STAB1: variants seen among roughly 807,000 people sequenced by gnomAD.
STAB1 encodes stabilin 1.
STAB1 carries 250 observed loss-of-function variants against 332.4 expected under a neutral mutation model. The observed-to-expected ratio is 0.75, with a 90% CI of 0.68 to 0.84. STAB1 has a LOEUF of 0.84. Ranked by LOEUF, STAB1 falls within the 40% of genes least tolerant of loss-of-function variation. The probability of loss-of-function intolerance (pLI) is 0.00; values close to 1 mark genes in which losing one functional copy is unlikely to be tolerated. For missense variants in STAB1, 3,249 were observed against 3,489.7 expected (o/e 0.93, Z 1.74); for synonymous variants, 1,475 against 1,390.4 (o/e 1.06, Z -1.35).
chr3:52,522,451 T>C lies in STAB1; in HGVS notation c.6587T>C (p.Met2196Thr), dbSNP rs1431182297. Residue 2196 changes from methionine (M) to threonine (T), a missense_variant, in exon 60 of 69, where the codon ATG becomes ACG. Transcript: ENST00000321725. Reference protein sequence around the residue: ...GQPPPCHSDAMCTDLHFQEKR... With the variant: ...GQPPPCHSDATCTDLHFQEKR... ...CCACCGCCCTGCCACTCAGATGCCA[T>C]GTGCACTGACCTGCACTTCCAGGGT... is the stretch of plus-strand genomic sequence containing the variant. 1 of 1,613,046 alleles carries C rather than the reference T, an allele frequency of 6.2e-7. No individual in the cohort carries two copies. Among genetic ancestry groups the C allele is most frequent in the East Asian group, 2.2e-5 (1 of 44,892 alleles).
rs981273519 is a variant in STAB1, at chr3:52,519,324, G to A, written c.5095G>A (p.Gly1699Ser). 5.0e-6 allele frequency: 8 copies of A among 1,613,012 alleles called. No homozygotes were observed. Among genetic ancestry groups the A allele is most frequent in the Non-Finnish European group, 6.8e-6 (8 of 1,180,000 alleles). ...GAGCAGCGACCATGAGGCCGTGAAC[G>A]GCATCCTGCACTTCATTGACCGTGT... ...VVSSDHEAVNGILHFIDRVLL... is the reference protein window; with the variant it reads ...VVSSDHEAVNSILHFIDRVLL... Residue 1699 changes from glycine (G) to serine (S), a missense_variant, in exon 49 of 69, where the codon GGC (glycine) becomes AGC (serine). By Grantham distance (56) the Gly-to-Ser change is moderately conservative. Transcript: ENST00000321725.
At chr3:52,521,230 G>A in intron 55 of STAB1, 131 bp from the exon 56 acceptor site, 2 of 1,322,968 alleles carry the variant, frequency 1.5e-6, no homozygotes, top group Non-Finnish European at 2.1e-6. Flanking sequence ...TCCAGGACAT[G>A]GGCCTGGAGG....
rs1053623462 is a variant in STAB1 at position 52,522,948 on chromosome 3, C to T, written c.6910+8C>T. 2.5e-6 allele frequency: 4 copies of T among 1,610,842 alleles called. No homozygotes were observed. The highest frequency in any genetic ancestry group is 2.2e-5 in the East Asian group (1 of 44,828). ...ACTGCTTCCGTGTGCAAGGTGTGTC[C>T]ACCCGACCAAACCCTACTTCCCCTG... On this transcript the variant is annotated splice_region_variant and intron_variant, in intron 62 of 68. Coordinates refer to ENST00000321725, the MANE Select transcript of STAB1 (RefSeq NM_015136.3).
At chr3:52,497,310 G>C (rs1418165442) in intron 1 of STAB1, among the ~76,000 whole-genome samples, 3 of 150,726 alleles carry the variant, frequency 2.0e-5, no homozygotes, top group African/African-American at 7.3e-5. Flanking sequence ...ACTTTTCTAT[G>C]TACATAGCAT....
rs759733954 is a variant in STAB1, at chr3:52,512,824, G to T, written c.3028-4G>T. ...TCCCGCCCCTGCTCCCTGTGTGCGTGCAGAGTGCCGGCATCACGCTTCCTG... is the reference window on the plus strand; with the variant it reads ...TCCCGCCCCTGCTCCCTGTGTGCGTTCAGAGTGCCGGCATCACGCTTCCTG... On this transcript the variant is annotated splice_region_variant and splice_polypyrimidine_tract_variant and intron_variant, in intron 28 of 68. Transcript: ENST00000321725. The T allele has an allele frequency of 6.2e-7, 1 of 1,608,424 alleles. No homozygotes were observed. The highest frequency in any genetic ancestry group is 1.7e-5 in the Admixed American group (1 of 59,980).
At position 52,507,660 on chromosome 3, in the gene STAB1, C is replaced by A; in HGVS notation, c.2037C>A (p.Pro679=). 6.2e-7 allele frequency: 1 copy of A among 1,613,662 alleles called. No individual in the cohort carries two copies. Among genetic ancestry groups the A allele is most frequent in the Non-Finnish European group, 8.5e-7 (1 of 1,180,016 alleles). ...CQALNTSTCP[P]NSVKLDIFPK... ...CCCTGAACACCAGCACGTGTCCCCC[C>A]AACAGTGTGAAGCTGGTGAGCACAC... Residue 679 remains proline, a synonymous_variant, in exon 19 of 69, where the codon CCC becomes CCA. Transcript: ENST00000321725.
At position 52,522,884 on chromosome 3, in the gene STAB1, T is replaced by C. The variant is rs765052279; in HGVS notation, c.6854T>C (p.Leu2285Pro). Residue 2285 changes from leucine to proline, a missense_variant, in exon 62 of 69, where the codon CTG (leucine) becomes CCG (proline). By Grantham distance (98) the Leu-to-Pro change is moderately conservative. Transcript: ENST00000321725. The stretch of plus-strand genomic sequence containing the variant: ...AATGGTCGGGTGGGCATAGTCAGCC[T>C]GGGTGCCCGCAAGAACCTCTCAGAA... ...CGNGRVGIVS[L>P]GARKNLSERW... 5.0e-6 allele frequency: 8 copies of C among 1,613,242 alleles called. No homozygotes were observed. The East Asian group carries it at 8.9e-5, about 18-fold the overall frequency.
In STAB1 at chr3:52,513,057, G is replaced by A. The variant is rs1709412395; in HGVS notation, c.3159-73G>A. ...CTGGCAGGCACTCACCCCTTGGGGT[G>A]GGCCCAGCCCCAAAGGTCTCTGTAA... On this transcript the variant is annotated intron_variant, in intron 29 of 68. Coordinates refer to ENST00000321725, the MANE Select transcript of STAB1 (RefSeq NM_015136.3). 2.6e-6 allele frequency: 4 copies of A among 1,555,828 alleles called. 1 individual carries two copies. The highest frequency in any genetic ancestry group is 3.5e-6 in the Non-Finnish European group (4 of 1,150,274).
chr3:52,515,564 G>A, intron 37 of STAB1, 58 bp downstream of exon 37: 2 of 1,582,516 alleles, frequency 1.3e-6, no homozygotes, highest in Non-Finnish European at 8.6e-7. Flanking sequence ...GGGAGTGGGT[G>A]GGGGCCCAGG....
At position 52,514,847 on chromosome 3, in the gene STAB1, C is replaced by A. The variant is rs973337986; in HGVS notation, c.3807+18C>A. ...CCCTGCGGGTGAGAGGCTGGGGCCACAGGAAGGCCGGCACGGGAGTTCAGA... is the reference window on the plus strand; with the variant it reads ...CCCTGCGGGTGAGAGGCTGGGGCCAAAGGAAGGCCGGCACGGGAGTTCAGA... On this transcript the variant is annotated intron_variant, in intron 35 of 68. Transcript: ENST00000321725. 2.5e-6 allele frequency: 4 copies of A among 1,612,722 alleles called. No individual in the cohort carries two copies. In the African/African-American group the frequency reaches 5.3e-5, roughly 22 times the overall value.
chr3:52,501,443 A>G, intron 2 of STAB1, 141 bp downstream of exon 2: 1 of 1,352,210 alleles, frequency 7.4e-7, no homozygotes, highest in Non-Finnish European at 1.0e-6. Context: ...TGGTGGAGAT[A>G]GGCGGGGAGG....
At chr3:52,502,331 C>G in intron 5 of STAB1, 103 bp downstream of exon 5, 5 of 1,302,318 alleles carry the variant, frequency 3.8e-6, no homozygotes, top group South Asian at 3.8e-5. Flanking sequence ...AGCCTCTGTC[C>G]CAGCCCCTCA....
chr3:52,505,955 G>T lies in STAB1; in HGVS notation c.1749+19G>T. 1 of 1,613,078 alleles carries T rather than the reference G, an allele frequency of 6.2e-7. No individual in the cohort carries two copies. Among genetic ancestry groups the T allele is most frequent in the Non-Finnish European group, 8.5e-7 (1 of 1,179,996 alleles). ...CGGCCAGGTGCGAGGTCTTTTTCTG[G>T]GGGGCGGCCAGCTTGTACCCGGTGG... On this transcript the variant is annotated intron_variant, in intron 16 of 68. Coordinates refer to ENST00000321725, the MANE Select transcript of STAB1 (RefSeq NM_015136.3).
rs1553681506 is a variant in STAB1, at chr3:52,522,480, TC to T, written c.6610+11del. On this transcript the variant is annotated splice_region_variant and intron_variant, in intron 60 of 68. Transcript: ENST00000321725. Reference sequence around the variant, plus strand: ...CACTGACCTGCACTTCCAGGGTGTGTCCCCCTGCCCACTCCCAGTACCCATT... The same window carrying T: ...CACTGACCTGCACTTCCAGGGTGTGTCCCCTGCCCACTCCCAGTACCCATT... The T allele has an allele frequency of 3.1e-6, 5 of 1,612,912 alleles. No homozygotes were observed. Among genetic ancestry groups the T allele is most frequent in the Non-Finnish European group, 4.2e-6 (5 of 1,179,972 alleles).
intron 5 of STAB1, 108 bp downstream of exon 5, chr3:52,502,336 C>T: frequency 7.9e-7 from 1 of 1,264,852 alleles, no homozygotes; most frequent in Non-Finnish European, 1.1e-6. Context: ...CTGTCCCAGC[C>T]CCTCAGATTT....
At chr3:52,501,892 C>G (rs1023202360) in intron 3 of STAB1, 114 bp from the exon 4 acceptor site, 2 of 1,448,026 alleles carry the variant, frequency 1.4e-6, no homozygotes, top group Non-Finnish European at 9.5e-7. Context: ...AGGCTCGGCC[C>G]CCTTGCTCTT....
At position 52,509,902 on chromosome 3, in the gene STAB1, C is replaced by T. The variant is rs774923886; in HGVS notation, c.2380C>T (p.Arg794Cys). 9.3e-6 allele frequency: 15 copies of T among 1,613,086 alleles called. No individual in the cohort carries two copies. Among genetic ancestry groups the T allele is most frequent in the East Asian group, 2.2e-5 (1 of 44,886 alleles). Residue 794 changes from arginine to cysteine, a missense_variant, in exon 23 of 69, where the codon CGC (arginine) becomes TGC (cysteine). Transcript: ENST00000321725. ...CTGTGTCCATGGTCTCTGCGACAAC[C>T]GCCCAGGCAGTGGGGGGGTGTGCCA... Reference protein sequence around the residue: ...CGCVHGLCDNRPGSGGVCQQG... With the variant: ...CGCVHGLCDNCPGSGGVCQQG...
chr3:52,495,583 C>T lies in STAB1; in HGVS notation c.78+92C>T, dbSNP rs538305168. ...AGGGACTGACATGGAGGGGCAGGGG[C>T]CTGGGGAGAAACCGCAGCTGGCGCC... On this transcript the variant is annotated intron_variant, in intron 1 of 68. Transcript: ENST00000321725. 1.4e-4 allele frequency: 164 copies of T among 1,160,320 alleles called. 1 individual carries two copies. The South Asian group carries it at 5.6e-3, about 40-fold the overall frequency. The allele number at this position is 1,160,320 out of a possible 1,614,324, so 71.9% of individuals were successfully genotyped here.
chr3:52,523,339 A>G lies in STAB1; in HGVS notation c.7138A>G (p.Met2380Val), dbSNP rs537125384. Residue 2380 changes from methionine to valine, a missense_variant and splice_region_variant, in exon 64 of 69, where the codon ATG becomes GTG. Coordinates refer to ENST00000321725, the MANE Select transcript of STAB1 (RefSeq NM_015136.3). The part of the protein sequence containing the change: ...VPVNEGFVDN[M>V]TLSGPDLELH... ...TGTCAATGAAGGCTTTGTGGACAAC[A>G]TGGTAACCCCCAAGGGTGTGGGCAG... 1.9e-6 allele frequency: 3 copies of G among 1,610,022 alleles called. No homozygotes were observed. The highest frequency in any genetic ancestry group is 2.2e-5 in the South Asian group (2 of 91,088).
Sources: allele counts gnomAD v4.1 joint callset (sites outside exome capture counted in the v4.1 genomes callset), GRCh38; gene constraint gnomAD v4.1.1; transcripts MANE v1.5; gene names NCBI Gene and HGNC (gene_info 2026-07-23, HGNC 2026-07-21).